The following GSDMC variants were observed in gnomAD, a reference collection of about 807,000 sequenced individuals.
GSDMC encodes the protein gasdermin C, also known as gasdermin-C.
GSDMC carries 59 observed loss-of-function variants against 58.0 expected under a neutral mutation model. The ratio of observed to expected loss-of-function variants is 1.02; its 90% CI spans 0.82 to 1.26. The LOEUF is 1.26. Among genes scored for constraint, GSDMC ranks in the 50% most tolerant of loss-of-function variants. The pLI, the probability that GSDMC is intolerant of heterozygous loss-of-function variation, is 0.00. For synonymous variants in GSDMC, 241 were observed against 220.2 expected (o/e 1.09, Z -0.83); for missense variants, 659 against 598.5 (o/e 1.10, Z -1.06).
chr8:129,710,926 G>A, the GSDMC span, among the ~76,000 whole-genome samples: 68 of 152,248 alleles, frequency 4.5e-4, 2 homozygotes, highest in South Asian at 4.2e-3. Flanking sequence ...GCAGGCAGAG[G>A]GAAAATCTGC....
the GSDMC span, among the ~76,000 whole-genome samples, chr8:129,738,942 T>G: frequency 6.6e-6 from 1 of 152,192 alleles, no homozygotes; most frequent in Non-Finnish European, 1.5e-5. Flanking sequence ...ACTGAAACCT[T>G]TATCAATAGA....
intron 6 of GSDMC, among the ~76,000 whole-genome samples, chr8:129,759,320 A>T (rs1456728482): frequency 6.6e-6 from 1 of 152,174 alleles, no homozygotes; most frequent in African/African-American, 2.4e-5. Flanking sequence ...TTCTTCAGTA[A>T]ATACTCCACA....
rs1343291297 is a variant in GSDMC, at chr8:129,752,174, T to C, written c.845-27A>G. 3.8e-6 allele frequency: 6 copies of C among 1,590,866 alleles called. No individual in the cohort carries two copies. In the Admixed American group the frequency reaches 1.0e-4, roughly 27 times the overall value. Reference sequence around the variant, plus strand: ...TGGAAAGAGAAAGAAAAGTGTTTACTCACCAAACATTAGTCTACCCCTACT... The same window carrying C: ...TGGAAAGAGAAAGAAAAGTGTTTACCCACCAAACATTAGTCTACCCCTACT... On this transcript the variant is annotated intron_variant, in intron 7 of 13. Coordinates refer to ENST00000276708, the MANE Select transcript of GSDMC (RefSeq NM_031415.3).
At chr8:129,755,283 A>C (rs923875910) in intron 6 of GSDMC, among the ~76,000 whole-genome samples, 1 of 152,190 alleles carries the variant, frequency 6.6e-6, no homozygotes, top group African/African-American at 2.4e-5. Context: ...TTTCACTGGA[A>C]ACCTTACAGG....
At chr8:129,781,325 C>A (rs1249975599) in intron 1 of GSDMC, among the ~76,000 whole-genome samples, 1 of 151,996 alleles carries the variant, frequency 6.6e-6, no homozygotes, top group Admixed American at 6.6e-5. Flanking sequence ...AATAAAAACA[C>A]AGGAATGGAA....
chr8:129,750,158 T>C lies in GSDMC; in HGVS notation c.1084-39A>G, dbSNP rs185841419. ...GTATTATTGTTAATAATAATACTAATAACAGTAATGTTATATAATTTGCCT... is the reference window on the plus strand; with the variant it reads ...GTATTATTGTTAATAATAATACTAACAACAGTAATGTTATATAATTTGCCT... On this transcript the variant is annotated intron_variant, in intron 11 of 13. Coordinates refer to ENST00000276708, the MANE Select transcript of GSDMC (RefSeq NM_031415.3). The C allele has an allele frequency of 8.8e-4, 1,273 of 1,446,878 alleles. 1 individual carries two copies. The highest frequency in any genetic ancestry group is 1.4e-3 in the Middle Eastern group (7 of 4,972). The allele number at this position is 1,446,878 out of a possible 1,614,324, so 89.6% of individuals were successfully genotyped here.
chr8:129,752,909 G>A (rs2033272485), intron 6 of GSDMC, 89 bp from the exon 7 acceptor site: 1 of 1,586,414 alleles, frequency 6.3e-7, no homozygotes, highest in Non-Finnish European at 8.6e-7. Context: ...GCCAGGCTGG[G>A]CTCAATCAGT....
chr8:129,760,518 A>G, intron 6 of GSDMC, 27 bp downstream of exon 6: 1 of 1,470,218 alleles, frequency 6.8e-7, no homozygotes, highest in South Asian at 1.2e-5. Flanking sequence ...AAATAAAAAA[A>G]TAAAAAGACC....
intron 4 of GSDMC, among the ~76,000 whole-genome samples, chr8:129,765,229 T>C (rs751635974): frequency 1.4e-4 from 21 of 152,154 alleles, no homozygotes; most frequent in Non-Finnish European, 2.8e-4. Flanking sequence ...CAGGTTACCT[T>C]AGAGTTTAAA....
At chr8:129,730,165 T>C in the GSDMC span, 1 of 1,093,610 alleles carries the variant, frequency 9.1e-7, no homozygotes, top group Non-Finnish European at 1.3e-6. Context: ...GAGCTGGCTA[T>C]GAAAAAGTTA....
chr8:129,775,896 C>T (rs1405257372), intron 3 of GSDMC, among the ~76,000 whole-genome samples: 4 of 152,120 alleles, frequency 2.6e-5, no homozygotes, highest in Non-Finnish European at 1.5e-5. Context: ...TGGGTAGTTA[C>T]TGCTCTAATA....
the GSDMC span, among the ~76,000 whole-genome samples, chr8:129,712,986 G>A: frequency 6.6e-6 from 1 of 152,186 alleles, no homozygotes; most frequent in Non-Finnish European, 1.5e-5. Flanking sequence ...GGGATGTCGG[G>A]GTGAGGAGGC....
At chr8:129,750,683 AGCT>A (rs2033154664) in intron 10 of GSDMC, 113 bp from the exon 11 acceptor site, 15 of 1,020,460 alleles carry the variant, frequency 1.5e-5, no homozygotes, top group Non-Finnish European at 2.2e-5. Context: ...TATCCCTTTC[AGCT>A]GCTAACCAAA....
At chr8:129,734,730 G>A in the GSDMC span, among the ~76,000 whole-genome samples, 3 of 152,174 alleles carry the variant, frequency 2.0e-5, no homozygotes, top group Non-Finnish European at 4.4e-5. Context: ...AAAGACCATT[G>A]ATGCTAGGAA....
At chr8:129,729,713 A>T in the GSDMC span, 1 of 529,356 alleles carries the variant, frequency 1.9e-6, no homozygotes, top group Admixed American at 3.3e-5. Flanking sequence ...TCTATCATTG[A>T]TGGACATTTG....
At chr8:129,731,730 A>C in the GSDMC span, among the ~76,000 whole-genome samples, 1 of 152,194 alleles carries the variant, frequency 6.6e-6, no homozygotes, top group South Asian at 2.1e-4. Context: ...TTTAAATGTC[A>C]ATCTCATGTA....
chr8:129,720,529 C>T, the GSDMC span, among the ~76,000 whole-genome samples: 2 of 152,044 alleles, frequency 1.3e-5, no homozygotes, highest in Admixed American at 6.6e-5. Flanking sequence ...ATTCCACATA[C>T]ATAAAATATT....
At chr8:129,780,508 GA>G (rs1427915136) in intron 1 of GSDMC, among the ~76,000 whole-genome samples, 3 of 151,944 alleles carry the variant, frequency 2.0e-5, no homozygotes, top group Non-Finnish European at 4.4e-5. Context: ...GTGCTGAAGG[GA>G]AAAAAACTTT....
intron 3 of GSDMC, among the ~76,000 whole-genome samples, chr8:129,767,472 A>G (rs998961955): frequency 6.6e-6 from 1 of 152,088 alleles, no homozygotes; most frequent in Non-Finnish European, 1.5e-5. Context: ...ACCCTGCCTC[A>G]TGAAGGAGCC....
Sources: gnomAD v4.1 joint callset for allele counts (sites outside exome capture counted in the v4.1 genomes callset) on GRCh38, gnomAD v4.1.1 for gene constraint, MANE v1.5 for transcripts, NCBI Gene and HGNC (gene_info 2026-07-23, HGNC 2026-07-21) for gene names.